Variants in ADAMTS9 observed in about 807,000 individuals in gnomAD.
ADAMTS9 encodes A disintegrin and metalloproteinase with thrombospondin motifs 9.
A neutral mutation model predicts 257.1 loss-of-function variants in ADAMTS9; 107 were observed. The ratio of observed to expected loss-of-function variants is 0.42; its 90% CI spans 0.36 to 0.49. The LOEUF (loss-of-function observed/expected upper bound fraction) is 0.49, where lower values mean the gene tolerates loss of function less well. Ranked by LOEUF, ADAMTS9 falls within the 20% of genes least tolerant of loss-of-function variation. The probability of loss-of-function intolerance (pLI) is 0.03; values close to 1 mark genes in which losing one functional copy is unlikely to be tolerated. For missense variants in ADAMTS9, 2,353 were observed against 2,469.1 expected (o/e 0.95, Z 1.00); for synonymous variants, 982 against 880.9 (o/e 1.11, Z -2.03).
At chr3:64,626,767 T>C (rs549325744) in intron 16 of ADAMTS9, among the ~76,000 whole-genome samples, 3 of 152,332 alleles carry the variant, frequency 2.0e-5, no homozygotes, top group Admixed American at 2.0e-4. Context: ...TCGATGATGC[T>C]GAAAGAATAA....
chr3:64,661,124 A>T (rs572969274), intron 3 of ADAMTS9, among the ~76,000 whole-genome samples: 1 of 152,316 alleles, frequency 6.6e-6, no homozygotes, highest in South Asian at 2.1e-4. Context: ...TACTATAGTA[A>T]AATCTGAACA....
rs1187055955 is a variant in ADAMTS9, at chr3:64,622,426, C to T, written c.2550G>A (p.Leu850=). ...NSTDRIEQEL[L]LQVLSVGKLY... ...CTCATGGTCAAGTTTTTACCTGAAGCAAAAGTTCTTGCTCAATGCGATCTG... is the reference window on the plus strand; with the variant it reads ...CTCATGGTCAAGTTTTTACCTGAAGTAAAAGTTCTTGCTCAATGCGATCTG... The change falls in exon 17 of 40, where the codon TTG becomes TTA. Residue 850 remains leucine (L), a synonymous_variant. Transcript: ENST00000498707. The T allele has an allele frequency of 1.9e-6, 3 of 1,613,834 alleles. No homozygotes were observed. The highest frequency in any genetic ancestry group is 2.2e-5 in the South Asian group (2 of 91,058).
intron 26 of ADAMTS9, 55 bp from the exon 27 acceptor site, chr3:64,597,046 C>G: frequency 1.2e-6 from 2 of 1,602,020 alleles, no homozygotes; most frequent in Non-Finnish European, 1.7e-6. Context: ...CTTAGGGACA[C>G]AGAAGCAGCT....
chr3:64,593,960 G>GTTGT, intron 28 of ADAMTS9, among the ~76,000 whole-genome samples: 1 of 69,392 alleles, frequency 1.4e-5, no homozygotes, highest in Admixed American at 1.5e-4. Context: ...GTGTGTGTAT[G>GTTGT]ATGTGTGTGT....
intron 39 of ADAMTS9, among the ~76,000 whole-genome samples, chr3:64,517,888 T>C (rs2082800736): frequency 6.6e-6 from 1 of 152,204 alleles, no homozygotes; most frequent in South Asian, 2.1e-4. Context: ...AAATGCCTTC[T>C]TGTCCTTTGG....
intron 28 of ADAMTS9, among the ~76,000 whole-genome samples, chr3:64,584,451 C>G (rs1013778075): frequency 6.6e-6 from 1 of 152,068 alleles, no homozygotes; most frequent in African/African-American, 2.4e-5. Context: ...TCTGTTTCTG[C>G]TGAGCTCTGC....
At chr3:64,554,634 T>C (rs116219986) in intron 30 of ADAMTS9, among the ~76,000 whole-genome samples, 180 of 152,364 alleles carry the variant, frequency 1.2e-3, no homozygotes, top group Non-Finnish European at 2.2e-3. Flanking sequence ...AATTTCAGTA[T>C]GGCTTTTAGA....
At chr3:64,677,696 T>C (rs1701654572) in intron 3 of ADAMTS9, among the ~76,000 whole-genome samples, 1 of 152,202 alleles carries the variant, frequency 6.6e-6, no homozygotes, top group Admixed American at 6.5e-5. Context: ...TTTCATTATT[T>C]CATACTCATT....
At chr3:64,598,271 T>C (rs1375559813) in intron 26 of ADAMTS9, among the ~76,000 whole-genome samples, 2 of 152,104 alleles carry the variant, frequency 1.3e-5, no homozygotes, top group Admixed American at 6.6e-5. Context: ...ACCTCTATCT[T>C]TGATGATTCT....
chr3:64,658,872 T>C (rs1701154197), intron 3 of ADAMTS9, 81 bp from the exon 4 acceptor site: 2 of 1,433,738 alleles, frequency 1.4e-6, no homozygotes, highest in Non-Finnish European at 1.9e-6. Flanking sequence ...ACATTTTAAA[T>C]TGATCCCTCT....
chr3:64,581,300 T>C (rs2083992986), intron 28 of ADAMTS9, among the ~76,000 whole-genome samples: 1 of 152,206 alleles, frequency 6.6e-6, no homozygotes, highest in Non-Finnish European at 1.5e-5. Context: ...TTCAGAGCAG[T>C]GAGCTTTTTG....
chr3:64,586,219 G>A (rs2084149226), intron 28 of ADAMTS9, among the ~76,000 whole-genome samples: 1 of 151,992 alleles, frequency 6.6e-6, no homozygotes, highest in Non-Finnish European at 1.5e-5. Context: ...AGACAAACGT[G>A]GGTGAATTGT....
chr3:64,608,330 G>C (rs1465345418), intron 22 of ADAMTS9, among the ~76,000 whole-genome samples: 1 of 146,586 alleles, frequency 6.8e-6, no homozygotes, highest in Admixed American at 6.8e-5. Flanking sequence ...GAAATACAGA[G>C]TAGAAGAATA....
intron 11 of ADAMTS9, among the ~76,000 whole-genome samples, chr3:64,647,248 T>G (rs1700819736): frequency 6.6e-6 from 1 of 152,150 alleles, no homozygotes; most frequent in African/African-American, 2.4e-5. Context: ...TGTTACCAAA[T>G]TTTTGGGCTG....
chr3:64,668,422 G>T (rs1038128344), intron 3 of ADAMTS9, among the ~76,000 whole-genome samples: 21 of 152,136 alleles, frequency 1.4e-4, no homozygotes, highest in African/African-American at 4.8e-4. Context: ...CAGAGACAGC[G>T]TATTACGGGA....
chr3:64,534,553 A>G (rs1433048602), intron 37 of ADAMTS9, among the ~76,000 whole-genome samples: 1 of 152,204 alleles, frequency 6.6e-6, no homozygotes, highest in East Asian at 1.9e-4. Flanking sequence ...CAGCTCCTCA[A>G]TTAAGATTTC....
intron 3 of ADAMTS9, among the ~76,000 whole-genome samples, chr3:64,664,910 C>T (rs1701315362): frequency 1.3e-5 from 2 of 152,118 alleles, no homozygotes; most frequent in Admixed American, 6.6e-5. Context: ...TAAGACACTT[C>T]GAAACAGGAC....
At chr3:64,547,597 C>T (rs963939335) in intron 31 of ADAMTS9, among the ~76,000 whole-genome samples, 2 of 149,290 alleles carry the variant, frequency 1.3e-5, no homozygotes, top group African/African-American at 2.5e-5. Flanking sequence ...AATGAAACCT[C>T]CGTCTCCCAG....
intron 12 of ADAMTS9, among the ~76,000 whole-genome samples, chr3:64,636,086 A>AC (rs1553712327): frequency 6.6e-6 from 1 of 151,480 alleles, no homozygotes; most frequent in Non-Finnish European, 1.5e-5. Context: ...TTTTAAATTG[A>AC]TTTTTTTTGT....
Sources: allele counts gnomAD v4.1 joint callset (sites outside exome capture counted in the v4.1 genomes callset), GRCh38; gene constraint gnomAD v4.1.1; transcripts MANE v1.5; gene names NCBI Gene and HGNC (gene_info 2026-07-23, HGNC 2026-07-21).